The following PTPRZ1 variants were observed in gnomAD, a reference collection of about 807,000 sequenced individuals.
PTPRZ1 encodes the protein receptor-type tyrosine-protein phosphatase zeta.
PTPRZ1 carries 82 observed loss-of-function variants against 214.1 expected under a neutral mutation model. The observed-to-expected ratio is 0.38, with a 90% CI of 0.32 to 0.46. The LOEUF (loss-of-function observed/expected upper bound fraction) is 0.46, where lower values mean the gene tolerates loss of function less well. Among genes scored for constraint, PTPRZ1 ranks in the 20% least tolerant of loss-of-function variants. The pLI is 1.00. For synonymous variants in PTPRZ1, 945 were observed against 987.9 expected (o/e 0.96, Z 0.81); for missense variants, 2,603 against 2,748.7 (o/e 0.95, Z 1.19).
chr7:121,908,375 C>T, intron 1 of PTPRZ1: 1 of 238,192 alleles, frequency 4.2e-6, no homozygotes, highest in Non-Finnish European at 8.4e-6. Context: ...AAAAGAATAT[C>T]AACTATACAT....
intron 1 of PTPRZ1, among the ~76,000 whole-genome samples, chr7:121,886,317 T>G (rs1376326955): frequency 6.6e-6 from 1 of 152,120 alleles, no homozygotes. Context: ...TGATTAATCC[T>G]CACAGGTTCT....
chr7:121,989,069 T>A (rs1313088460), intron 8 of PTPRZ1, among the ~76,000 whole-genome samples: 1 of 152,194 alleles, frequency 6.6e-6, no homozygotes, highest in Non-Finnish European at 1.5e-5. Flanking sequence ...ACTCTGTTGA[T>A]CCTCTGTAAA....
intron 1 of PTPRZ1, among the ~76,000 whole-genome samples, chr7:121,897,342 C>T (rs909946565): frequency 3.9e-5 from 6 of 152,162 alleles, no homozygotes; most frequent in East Asian, 1.9e-4. Flanking sequence ...ATAGATTTAG[C>T]GTACACATTC....
chr7:121,916,854 A>C (rs1159402525), intron 1 of PTPRZ1, among the ~76,000 whole-genome samples: 3 of 152,170 alleles, frequency 2.0e-5, no homozygotes, highest in East Asian at 1.9e-4. Context: ...CCCTCTCCTT[A>C]AGGCCTCACT....
chr7:121,969,028 A>G (rs1318660177), intron 3 of PTPRZ1, among the ~76,000 whole-genome samples: 1 of 152,100 alleles, frequency 6.6e-6, no homozygotes, highest in African/African-American at 2.4e-5. Flanking sequence ...ACTTGAGGTC[A>G]AGAGTACCAG....
chr7:121,949,271 G>A (rs760060328), intron 2 of PTPRZ1, among the ~76,000 whole-genome samples: 1 of 152,158 alleles, frequency 6.6e-6, no homozygotes, highest in Non-Finnish European at 1.5e-5. Flanking sequence ...GTGAGCAGAG[G>A]GGTGACTTTA....
At chr7:122,034,709 A>T (rs1799485825) in intron 17 of PTPRZ1, among the ~76,000 whole-genome samples, 1 of 151,758 alleles carries the variant, frequency 6.6e-6, no homozygotes, top group Admixed American at 6.6e-5. Context: ...TTCACCTAGG[A>T]TTTGCTTACT....
chr7:122,037,177 A>G (rs1047259049), intron 18 of PTPRZ1, among the ~76,000 whole-genome samples: 33 of 152,114 alleles, frequency 2.2e-4, no homozygotes, highest in Admixed American at 1.8e-3. Context: ...CGGGAGGCTG[A>G]GGCAGGAGAA....
chr7:121,968,041 A>T lies in PTPRZ1; in HGVS notation c.215A>T (p.Gln72Leu). ...ATCAATATTGATGAAGATCTTACAC[A>T]AGTAAATGTGAATCTTAAGAAACTT... ...SPINIDEDLT[Q>L]VNVNLKKLKF... Residue 72 changes from glutamine (Q) to leucine (L), a missense_variant, in exon 3 of 30, where the codon CAA becomes CTA. Gln to Leu is a moderately radical substitution (Grantham distance 113). Transcript: ENST00000393386. 1 of 1,595,542 alleles carries T rather than the reference A, an allele frequency of 6.3e-7. No homozygotes were observed. The highest frequency in any genetic ancestry group is 8.6e-7 in the Non-Finnish European group (1 of 1,165,672).
At chr7:121,878,684 T>G (rs1248052694) in intron 1 of PTPRZ1, among the ~76,000 whole-genome samples, 1 of 152,198 alleles carries the variant, frequency 6.6e-6, no homozygotes, top group Non-Finnish European at 1.5e-5. Context: ...GTTTTTCAAT[T>G]TATCTGTCTC....
chr7:122,034,465 G>A (rs1039322917), intron 17 of PTPRZ1, 87 bp downstream of exon 17: 1 of 1,215,602 alleles, frequency 8.2e-7, no homozygotes, highest in African/African-American at 1.5e-5. Context: ...TCTGAGAGCT[G>A]ACCTTAGTGT....
chr7:121,902,440 T>A (rs1448858907), intron 1 of PTPRZ1, among the ~76,000 whole-genome samples: 1 of 152,182 alleles, frequency 6.6e-6, no homozygotes, highest in Admixed American at 6.5e-5. Flanking sequence ...AACATCATGC[T>A]TTCTTCCAAA....
At chr7:121,887,457 A>G (rs1479129163) in intron 1 of PTPRZ1, among the ~76,000 whole-genome samples, 5 of 152,008 alleles carry the variant, frequency 3.3e-5, no homozygotes, top group African/African-American at 7.2e-5. Flanking sequence ...ATCTCTCTTA[A>G]TTTTTTTATT....
At chr7:121,875,990 A>G (rs551143254) in intron 1 of PTPRZ1, among the ~76,000 whole-genome samples, 3 of 152,330 alleles carry the variant, frequency 2.0e-5, no homozygotes, top group African/African-American at 7.2e-5. Context: ...GCTCAATACA[A>G]TTTGAACATT....
chr7:122,025,615 G>A (rs984370513), intron 13 of PTPRZ1, among the ~76,000 whole-genome samples: 7 of 152,188 alleles, frequency 4.6e-5, no homozygotes, highest in African/African-American at 2.4e-5. Context: ...ACAGGCATGA[G>A]CCACCACGCC....
intron 18 of PTPRZ1, among the ~76,000 whole-genome samples, chr7:122,037,821 C>A (rs1216080247): frequency 6.6e-6 from 1 of 152,176 alleles, no homozygotes; most frequent in Non-Finnish European, 1.5e-5. Flanking sequence ...CTCATCTCCA[C>A]ATCAGGGTTG....
chr7:122,028,751 A>G, intron 14 of PTPRZ1, 108 bp downstream of exon 14: 2 of 803,500 alleles, frequency 2.5e-6, no homozygotes, highest in Non-Finnish European at 4.0e-6. Context: ...TATAATGTAG[A>G]TTAGTAAATT....
chr7:121,909,235 T>A (rs558969604), intron 1 of PTPRZ1, among the ~76,000 whole-genome samples: 100 of 152,206 alleles, frequency 6.6e-4, no homozygotes, highest in African/African-American at 2.3e-3. Context: ...TATGCTCCAG[T>A]GCTCACCAAA....
Position 122,012,879 on chromosome 7 carries a change from G to A in PTPRZ1, c.3833G>A (p.Ser1278Asn), listed in dbSNP as rs1045291086. 2 of 1,614,020 alleles carry A rather than the reference G, an allele frequency of 1.2e-6. No individual in the cohort carries two copies. The highest frequency in any genetic ancestry group is 1.7e-6 in the Non-Finnish European group (2 of 1,180,020). ...KYEPVLLKSE[S>N]SHQVVPSLYS... ...GAACCAGTTTTGTTAAAAAGTGAAA[G>A]TTCCCACCAAGTGGTACCTTCTTTG... The change falls in exon 12 of 30, where the codon AGT (serine) becomes AAT (asparagine). Residue 1278 changes from serine (S) to asparagine (N), a missense_variant. Ser to Asn is a conservative substitution (Grantham distance 46, BLOSUM62 1). Coordinates refer to ENST00000393386, the MANE Select transcript of PTPRZ1 (RefSeq NM_002851.3).
Sources: allele counts gnomAD v4.1 joint callset (sites outside exome capture counted in the v4.1 genomes callset), GRCh38; gene constraint gnomAD v4.1.1; transcripts MANE v1.5; gene names NCBI Gene and HGNC (gene_info 2026-07-23, HGNC 2026-07-21).